SORCS2: variants seen among roughly 807,000 people sequenced by gnomAD.
SORCS2 encodes the protein VPS10 domain-containing receptor SorCS2.
SORCS2 carries 100 observed loss-of-function variants against 141.6 expected under a neutral mutation model. The observed-to-expected ratio is 0.71, with a 90% confidence interval of 0.60 to 0.83. SORCS2 has a LOEUF of 0.83. Ranked by LOEUF, SORCS2 falls within the 40% of genes least tolerant of loss-of-function variation. The pLI is 0.00. For synonymous variants in SORCS2, 789 were observed against 676.9 expected, an observed-to-expected ratio of 1.17 and a Z score of -2.57; for missense variants, 1,646 against 1,560.2, an observed-to-expected ratio of 1.05 and a Z score of -0.93.
intron 7 of SORCS2, among the ~76,000 whole-genome samples, chr4:7,666,315 C>T (rs1199573939): frequency 6.6e-6 from 1 of 152,060 alleles, no homozygotes; most frequent in Non-Finnish European, 1.5e-5. Context: ...TGTCGGTGCT[C>T]GCGACATTGT....
At chr4:7,689,993 AGATG>A (rs1285120443) in intron 11 of SORCS2, among the ~76,000 whole-genome samples, 2 of 151,148 alleles carry the variant, frequency 1.3e-5, no homozygotes, top group Non-Finnish European at 3.0e-5. Flanking sequence ...GATGGGTGGT[AGATG>A]GATGGATGAG....
At chr4:7,736,197 C>T (rs938200945) in intron 25 of SORCS2, among the ~76,000 whole-genome samples, 1 of 152,228 alleles carries the variant, frequency 6.6e-6, no homozygotes, top group Non-Finnish European at 1.5e-5. Flanking sequence ...TCAAAGCCCT[C>T]AGCCACATGC....
intron 3 of SORCS2, among the ~76,000 whole-genome samples, chr4:7,550,487 G>A (rs1006022942): frequency 1.3e-5 from 2 of 152,234 alleles, no homozygotes; most frequent in African/African-American, 4.8e-5. Context: ...AGACACCAAC[G>A]CAGGCTCACA....
chr4:7,709,727 A>G lies in SORCS2; in HGVS notation c.1869-3006A>G, dbSNP rs374009429. Among the ~76,000 whole-genome samples the G allele has an allele frequency of 2.9e-4, 44 of 152,288 alleles. No individual in the cohort carries two copies. The East Asian group carries it at 6.4e-3, about 22-fold the overall frequency. On this transcript the variant is annotated intron_variant, in intron 14 of 26. Coordinates refer to ENST00000507866, the MANE Select transcript of SORCS2 (RefSeq NM_020777.3). Reference sequence around the variant, plus strand: ...CTTCCCGGATAACTGTTTGGTACAAATCTGCCCAAAGGCCACCTCTAACCT... The same window carrying G: ...CTTCCCGGATAACTGTTTGGTACAAGTCTGCCCAAAGGCCACCTCTAACCT...
At chr4:7,276,469 A>T (rs1371123170) in intron 1 of SORCS2, among the ~76,000 whole-genome samples, 4 of 152,060 alleles carry the variant, frequency 2.6e-5, no homozygotes, top group African/African-American at 9.7e-5. Flanking sequence ...CCCAAACCCA[A>T]GCCATCTCTT....
chr4:7,521,984 G>C (rs369892146), intron 2 of SORCS2, among the ~76,000 whole-genome samples: 7 of 152,222 alleles, frequency 4.6e-5, no homozygotes, highest in African/African-American at 1.7e-4. Flanking sequence ...AGTGACACAG[G>C]CAGTGCCACC....
At chr4:7,403,997 ATTTT>A (rs60403055) in intron 2 of SORCS2, among the ~76,000 whole-genome samples, 79 of 18,898 alleles carry the variant, frequency 4.2e-3, no homozygotes, top group African/African-American at 0.012. Flanking sequence ...ATATATATAT[ATTTT>A]TTTTTTTTTT....
At chr4:7,565,486 TATG>T (rs1714905425) in intron 3 of SORCS2, among the ~76,000 whole-genome samples, 1 of 152,026 alleles carries the variant, frequency 6.6e-6, no homozygotes, top group East Asian at 1.9e-4. Context: ...ATTAGGAAAA[TATG>T]ATTAGCATAA....
intron 2 of SORCS2, among the ~76,000 whole-genome samples, chr4:7,517,368 G>A (rs1733054771): frequency 2.0e-5 from 3 of 152,234 alleles, no homozygotes; most frequent in South Asian, 2.1e-4. Flanking sequence ...ATGAATTTTT[G>A]TATCTTATAT....
chr4:7,416,622 A>G (rs1188380451), intron 2 of SORCS2, among the ~76,000 whole-genome samples: 1 of 152,048 alleles, frequency 6.6e-6, no homozygotes, highest in African/African-American at 2.4e-5. Flanking sequence ...AGACACGCAT[A>G]TGGACACATT....
chr4:7,720,208 A>C (rs1017918792), intron 18 of SORCS2, among the ~76,000 whole-genome samples: 2 of 152,214 alleles, frequency 1.3e-5, no homozygotes, highest in African/African-American at 4.8e-5. Flanking sequence ...TATCTTAAGA[A>C]TTAAAAATAA....
At position 7,193,892 on chromosome 4, in the gene SORCS2, C is replaced by G. The variant is rs1408183246; in HGVS notation, c.480+766C>G. ...GTTGGGGACCTCCTGTTCCTCCACC[C>G]ACAGCCTGGGGCTCCCACCCTTCCC... On this transcript the variant is annotated intron_variant, in intron 1 of 26. Transcript: ENST00000507866. This position sits in a 1 kb window ranked among gnomAD's most constrained non-coding sequence, Gnocchi z 4.8. 6.6e-6 allele frequency among the ~76,000 whole-genome samples: 1 copy of G among 152,176 alleles called. No individual in the cohort carries two copies. Among genetic ancestry groups the G allele is most frequent in the Non-Finnish European group, 1.5e-5 (1 of 68,016 alleles).
At chr4:7,574,642 A>T (rs540837183) in intron 3 of SORCS2, among the ~76,000 whole-genome samples, 7 of 151,770 alleles carry the variant, frequency 4.6e-5, no homozygotes, top group Non-Finnish European at 8.8e-5. Context: ...GAAGGGAGGA[A>T]GGGAGGGAGA....
At chr4:7,595,835 C>T (rs1717239029) in intron 3 of SORCS2, among the ~76,000 whole-genome samples, 1 of 152,164 alleles carries the variant, frequency 6.6e-6, no homozygotes, top group Non-Finnish European at 1.5e-5. Context: ...ACTTTCTAGG[C>T]ACCAGGCACC....
chr4:7,461,342 C>T (rs1450249133), intron 2 of SORCS2, among the ~76,000 whole-genome samples: 2 of 152,204 alleles, frequency 1.3e-5, no homozygotes, highest in East Asian at 1.9e-4. Flanking sequence ...TCTTCCTCCC[C>T]CAAAGTCCCG....
intron 5 of SORCS2, among the ~76,000 whole-genome samples, chr4:7,658,660 C>T (rs1354125977): frequency 1.3e-5 from 2 of 152,224 alleles, no homozygotes; most frequent in Non-Finnish European, 2.9e-5. Context: ...GCTCCTGCCA[C>T]ATGGCACATA....
chr4:7,702,900 A>C (rs905363516), intron 12 of SORCS2, among the ~76,000 whole-genome samples: 1 of 152,244 alleles, frequency 6.6e-6, no homozygotes, highest in African/African-American at 2.4e-5. Flanking sequence ...CTTCATGTCA[A>C]ATTGGGGTTT....
intron 2 of SORCS2, among the ~76,000 whole-genome samples, chr4:7,417,280 T>C (rs1725762631): frequency 1.3e-5 from 2 of 152,160 alleles, no homozygotes; most frequent in African/African-American, 4.8e-5. Context: ...GTGGAGTGGC[T>C]GAGAGATGGC....
chr4:7,327,817 C>T lies in SORCS2; in HGVS notation c.481-68471C>T, dbSNP rs540310185. Among the ~76,000 whole-genome samples the T allele has an allele frequency of 9.2e-4, 140 of 152,228 alleles. No individual in the cohort carries two copies. The South Asian group carries it at 0.02, about 22-fold the overall frequency. ...CTTGTGTGACCGCCCCCCCCAACCCCGCCCCCGGCAACGTTGCTTTGGCTG... is the reference window on the plus strand; with the variant it reads ...CTTGTGTGACCGCCCCCCCCAACCCTGCCCCCGGCAACGTTGCTTTGGCTG... On this transcript the variant is annotated intron_variant, in intron 1 of 26. Coordinates refer to ENST00000507866, the MANE Select transcript of SORCS2 (RefSeq NM_020777.3).
Sources: allele counts gnomAD v4.1 joint callset (sites outside exome capture counted in the v4.1 genomes callset), GRCh38; gene constraint gnomAD v4.1.1; non-coding constraint Gnocchi (gnomAD v3.1); transcripts MANE v1.5; gene names NCBI Gene and HGNC (gene_info 2026-07-23, HGNC 2026-07-21).